Variants in KIAA0513 observed in about 807,000 individuals in gnomAD.
KIAA0513 encodes the protein uncharacterized protein KIAA0513.
Under a neutral mutation model 56.5 loss-of-function variants are expected in KIAA0513, and 39 were observed. That is an observed-to-expected ratio of 0.69 (90% CI 0.53 to 0.90). KIAA0513 has a LOEUF of 0.90. KIAA0513 is among the 40% of genes least tolerant of loss of function. The pLI is 0.00. For missense variants in KIAA0513, 591 were observed against 535.2 expected (o/e 1.10, Z -1.03); for synonymous variants, 268 against 215.6 (o/e 1.24, Z -2.13).
chr16:85,043,992 T>C (rs184088167), intron 1 of KIAA0513, among the ~76,000 whole-genome samples: 5 of 152,244 alleles, frequency 3.3e-5, no homozygotes, highest in Admixed American at 2.6e-4. Context: ...ATTGCGCCAG[T>C]GCACTCCAGC....
chr16:85,072,705 C>G (rs2073595473), intron 3 of KIAA0513, among the ~76,000 whole-genome samples: 1 of 152,176 alleles, frequency 6.6e-6, no homozygotes, highest in Admixed American at 6.5e-5. Flanking sequence ...CCGAGGGGAA[C>G]CCCTGCATGT....
intron 10 of KIAA0513, among the ~76,000 whole-genome samples, chr16:85,085,134 G>T (rs2047598): frequency 0.39 from 59,688 of 152,052 alleles, 11,723 homozygotes; most frequent in Middle Eastern, 0.48. Context: ...AGGGGTGCGG[G>T]GGTTTATGTG....
At chr16:85,030,735 C>T (rs548160126) in intron 1 of KIAA0513, among the ~76,000 whole-genome samples, 110 of 143,254 alleles carry the variant, frequency 7.7e-4, no homozygotes, top group South Asian at 2.0e-3. Context: ...CAGAGAAAGA[C>T]TCCATCTAAA....
At position 85,091,649 on chromosome 16, in the gene KIAA0513, A is replaced by G. The variant is rs145603540; in HGVS notation, c.*3324A>G. The G allele has an allele frequency of 6.6e-6, 1 of 152,300 alleles. No individual in the cohort carries two copies. The highest frequency in any genetic ancestry group is 1.9e-4 in the East Asian group (1 of 5,172). 9.4% of individuals were successfully genotyped at this position (152,300 alleles called of 1,614,324 possible). On this transcript the variant is annotated 3_prime_UTR_variant, in exon 13 of 13. Coordinates refer to ENST00000683363, the MANE Select transcript of KIAA0513 (RefSeq NM_001388359.1). Reference sequence around the variant, plus strand: ...AGTCTCGTCTTCTTTCCTTCCTGTGAGTTGAAACCAAACAGGCCTCTCGCT... The same window carrying G: ...AGTCTCGTCTTCTTTCCTTCCTGTGGGTTGAAACCAAACAGGCCTCTCGCT...
Position 85,081,357 on chromosome 16 carries a change from C to T in KIAA0513, c.945C>T (p.Val315=). The change falls in exon 9 of 13, where the codon GTC becomes GTT. Residue 315 remains valine, a synonymous_variant. Transcript: ENST00000683363. This position sits in a 1 kb window ranked among gnomAD's most constrained non-coding sequence, Gnocchi z 4.4. ...GGAATGCAGCCTTTTTTGACGCTGT[C>T]CATTGTGAGAGGACAAAGCGATCTC... The part of the protein sequence containing the change: ...RFWNAAFFDA[V]HCERTKRSPT... 1.9e-6 allele frequency: 3 copies of T among 1,594,360 alleles called. No homozygotes were observed. The highest frequency in any genetic ancestry group is 1.7e-4 in the Middle Eastern group (1 of 6,040).
intron 5 of KIAA0513, among the ~76,000 whole-genome samples, chr16:85,077,109 C>T (rs981082733): frequency 2.0e-5 from 3 of 152,182 alleles, no homozygotes; most frequent in African/African-American, 4.8e-5. Flanking sequence ...CTGGCATGGT[C>T]GGGCCTCTGC....
At chr16:85,039,466 C>G (rs1375824112) in intron 1 of KIAA0513, among the ~76,000 whole-genome samples, 1 of 152,122 alleles carries the variant, frequency 6.6e-6, no homozygotes, top group African/African-American at 2.4e-5. Flanking sequence ...CCACGCCCAG[C>G]TACTTTTATT....
intron 1 of KIAA0513, among the ~76,000 whole-genome samples, chr16:85,048,558 T>C (rs1039099003): frequency 2.6e-5 from 4 of 152,144 alleles, no homozygotes; most frequent in Non-Finnish European, 5.9e-5. Context: ...AAAGCTTTTA[T>C]TGCAAGAATG....
chr16:85,071,541 T>C (rs890285146), intron 2 of KIAA0513, among the ~76,000 whole-genome samples: 12 of 152,134 alleles, frequency 7.9e-5, no homozygotes, highest in African/African-American at 2.9e-4. Context: ...TGGATGGAAC[T>C]CTGGTTCACC....
At chr16:85,049,199 T>C (rs2073213582) in intron 1 of KIAA0513, among the ~76,000 whole-genome samples, 1 of 152,240 alleles carries the variant, frequency 6.6e-6, no homozygotes, top group Non-Finnish European at 1.5e-5. Context: ...GGACAGACAC[T>C]AGTGGCTCTT....
At chr16:85,068,002 G>C (rs894773139) in intron 2 of KIAA0513, among the ~76,000 whole-genome samples, 36 of 150,688 alleles carry the variant, frequency 2.4e-4, no homozygotes, top group African/African-American at 8.5e-4. Flanking sequence ...ATAGAGACAG[G>C]GTTTCACCAT....
intron 1 of KIAA0513, among the ~76,000 whole-genome samples, chr16:85,041,122 G>A (rs1046793166): frequency 6.6e-6 from 1 of 152,166 alleles, no homozygotes; most frequent in East Asian, 1.9e-4. Flanking sequence ...ATATGTTTCA[G>A]TTTTAGGGTT....
intron 4 of KIAA0513, among the ~76,000 whole-genome samples, chr16:85,074,995 C>A (rs1253594039): frequency 1.3e-5 from 2 of 151,894 alleles, no homozygotes; most frequent in Non-Finnish European, 2.9e-5. Context: ...CACAAAAATT[C>A]TTGCCATCAC....
chr16:85,079,368 A>T (rs1455233171), intron 8 of KIAA0513: 1 of 235,592 alleles, frequency 4.2e-6, no homozygotes, highest in Non-Finnish European at 8.4e-6. Context: ...GTCGTTTATT[A>T]TGGCCCCGAG....
intron 1 of KIAA0513, among the ~76,000 whole-genome samples, chr16:85,050,474 G>A (rs895121447): frequency 2.6e-5 from 4 of 151,660 alleles, no homozygotes; most frequent in Admixed American, 6.6e-5. Flanking sequence ...CTCAGCCTTG[G>A]GAGGCTAATT....
intron 1 of KIAA0513, among the ~76,000 whole-genome samples, chr16:85,049,669 A>G (rs2073221545): frequency 6.6e-6 from 1 of 152,100 alleles, no homozygotes; most frequent in African/African-American, 2.4e-5. Flanking sequence ...TGCTGTGTTC[A>G]TAAGTTTCCT....
chr16:85,074,892 G>C (rs2073634508), intron 4 of KIAA0513, among the ~76,000 whole-genome samples: 1 of 151,636 alleles, frequency 6.6e-6, no homozygotes. Flanking sequence ...ATTTGCACTA[G>C]GCTAAAAGTA....
Position 85,067,008 on chromosome 16 carries a change from G to C in KIAA0513, c.-64G>C, listed in dbSNP as rs371889034. ...CCTACTAACGCACCTGGGACACCAG[G>C]CTGCTGGGCTCCCCTCTAGGCAGCC... is the stretch of plus-strand genomic sequence containing the variant. On this transcript the variant is annotated 5_prime_UTR_variant, in exon 2 of 13. Transcript: ENST00000683363. The C allele has an allele frequency of 1.7e-5, 24 of 1,420,414 alleles. No individual in the cohort carries two copies. In the East Asian group the frequency reaches 4.4e-4, roughly 26 times the overall value. The allele number at this position is 1,420,414 out of a possible 1,614,324, so 88.0% of individuals were successfully genotyped here.
At chr16:85,039,416 C>A (rs2073077199) in intron 1 of KIAA0513, among the ~76,000 whole-genome samples, 1 of 152,190 alleles carries the variant, frequency 6.6e-6, no homozygotes, top group Admixed American at 6.5e-5. Flanking sequence ...GATCCTCCTG[C>A]ATCAACCTCC....
Sources: allele counts gnomAD v4.1 joint callset (sites outside exome capture counted in the v4.1 genomes callset), GRCh38; gene constraint gnomAD v4.1.1; non-coding constraint Gnocchi (gnomAD v3.1); transcripts MANE v1.5; gene names NCBI Gene and HGNC (gene_info 2026-07-23, HGNC 2026-07-21).